Variants in GABRG3 observed in about 807,000 individuals in gnomAD.
GABRG3 encodes the protein gamma-aminobutyric acid type A receptor subunit gamma3, also known as gamma-aminobutyric acid receptor subunit gamma-3.
Under a neutral mutation model 48.8 loss-of-function variants are expected in GABRG3, and 25 were observed. The ratio of observed to expected loss-of-function variants is 0.51; its 90% CI spans 0.37 to 0.72. The LOEUF (loss-of-function observed/expected upper bound fraction) is 0.72. Ranked by LOEUF, GABRG3 falls within the 30% of genes least tolerant of loss-of-function variation. The probability of loss-of-function intolerance (pLI) is 0.00; values close to 1 mark genes in which losing one functional copy is unlikely to be tolerated. For missense variants in GABRG3, 394 were observed against 577.9 expected (o/e 0.68, Z 3.26); for synonymous variants, 227 against 217.6 (o/e 1.04, Z -0.38).
intron 5 of GABRG3, among the ~76,000 whole-genome samples, chr15:27,356,150 AT>A (rs1253946175): frequency 6.6e-6 from 1 of 152,142 alleles, no homozygotes; most frequent in East Asian, 1.9e-4. Context: ...CAGAAAGTGT[AT>A]TCATCATAAT....
intron 3 of GABRG3, among the ~76,000 whole-genome samples, chr15:27,284,925 AC>A (rs1393337318): frequency 1.3e-4 from 20 of 152,194 alleles, no homozygotes; most frequent in Admixed American, 5.2e-4. Flanking sequence ...CAGGAAAGAA[AC>A]TTGTTGAAAG....
chr15:27,286,810 C>G (rs1891628749), intron 3 of GABRG3, among the ~76,000 whole-genome samples: 1 of 152,108 alleles, frequency 6.6e-6, no homozygotes, highest in Admixed American at 6.6e-5. Flanking sequence ...GACCAATTAC[C>G]TATGGCAGGG....
chr15:27,162,979 TTAG>T (rs1887246524), intron 3 of GABRG3, among the ~76,000 whole-genome samples: 1 of 151,940 alleles, frequency 6.6e-6, no homozygotes, highest in Non-Finnish European at 1.5e-5. Context: ...ACCTACAATC[TTAG>T]TAGGTGACCC....
intron 5 of GABRG3, among the ~76,000 whole-genome samples, chr15:27,332,499 A>G (rs973975200): frequency 6.6e-6 from 1 of 152,054 alleles, no homozygotes; most frequent in African/African-American, 2.4e-5. Context: ...ACGCCACTGC[A>G]CTCCAGCCTG....
At chr15:27,112,063 C>T (rs959201312) in intron 3 of GABRG3, among the ~76,000 whole-genome samples, 11 of 151,980 alleles carry the variant, frequency 7.2e-5, no homozygotes, top group Admixed American at 1.3e-4. Context: ...AGTGTAGGAT[C>T]TCCCTTAAGG....
chr15:27,403,918 A>AC (rs1402525116), intron 5 of GABRG3, among the ~76,000 whole-genome samples: 1 of 142,186 alleles, frequency 7.0e-6, no homozygotes, highest in African/African-American at 2.7e-5. Context: ...AAAAAACAAA[A>AC]AAAAAAAAAA....
chr15:27,074,204 A>G (rs112672513), intron 3 of GABRG3, among the ~76,000 whole-genome samples: 31,382 of 152,018 alleles, frequency 0.21, 3,391 homozygotes, highest in Middle Eastern at 0.27. Flanking sequence ...CCCACAACAC[A>G]GGGGAATTAT....
At position 27,410,845 on chromosome 15, in the gene GABRG3, C is replaced by CGTGTGT. The variant is rs61423614; in HGVS notation, c.575-69766_575-69761dup. 8.4e-3 allele frequency among the ~76,000 whole-genome samples: 1,209 copies of CGTGTGT among 143,698 alleles called. 9 individuals are homozygous for CGTGTGT. The highest frequency in any genetic ancestry group is 0.024 in the Middle Eastern group (7 of 286). The allele number at this position is 143,698 out of a possible 152,430, so 94.3% of individuals were successfully genotyped here. A position where few individuals can be genotyped will look rare whatever the true frequency, so the allele number is the denominator to read the frequency against. On this transcript the variant is annotated intron_variant, in intron 5 of 9. Coordinates refer to ENST00000615808, the MANE Select transcript of GABRG3 (RefSeq NM_033223.5). ...GAGAGAGAGCACACGTGCGCACGCT[C>CGTGTGT]GTGTGTGTGTGTGTGTGTGTGTGTG...
At chr15:27,226,456 G>A (rs907199257) in intron 3 of GABRG3, among the ~76,000 whole-genome samples, 11 of 152,168 alleles carry the variant, frequency 7.2e-5, no homozygotes, top group Admixed American at 6.5e-4. Flanking sequence ...CTTCAGAGAC[G>A]ACGTGGCCCA....
At chr15:27,023,770 A>G (rs1266211351) in intron 2 of GABRG3, among the ~76,000 whole-genome samples, 1 of 152,248 alleles carries the variant, frequency 6.6e-6, no homozygotes. Flanking sequence ...TAGCATAGCT[A>G]TTCAATCTGT....
At chr15:27,440,029 G>A (rs962901465) in intron 5 of GABRG3, among the ~76,000 whole-genome samples, 1 of 152,100 alleles carries the variant, frequency 6.6e-6, no homozygotes. Context: ...TGACTGAAGT[G>A]TCTCCCTCTG....
At chr15:27,350,507 G>C (rs1894528527) in intron 5 of GABRG3, 1 of 249,708 alleles carries the variant, frequency 4.0e-6, no homozygotes, top group Non-Finnish European at 8.0e-6. Context: ...TCGCAGTGCA[G>C]TTGCAGGTAG....
chr15:27,512,101 G>A (rs1432627940), intron 6 of GABRG3, among the ~76,000 whole-genome samples: 1 of 152,168 alleles, frequency 6.6e-6, no homozygotes, highest in East Asian at 1.9e-4. Context: ...AAAGTCCCTG[G>A]AGTGAGCTTG....
chr15:27,361,360 C>G (rs575850515), intron 5 of GABRG3, among the ~76,000 whole-genome samples: 2 of 152,308 alleles, frequency 1.3e-5, no homozygotes, highest in East Asian at 3.9e-4. Flanking sequence ...CAGGACCAAG[C>G]CAATGTGGCC....
intron 3 of GABRG3, among the ~76,000 whole-genome samples, chr15:27,146,355 G>A (rs975778174): frequency 1.3e-5 from 2 of 152,152 alleles, no homozygotes; most frequent in African/African-American, 4.8e-5. Context: ...TACTCAGGAG[G>A]CTGAGGCAGG....
chr15:27,359,145 G>A (rs1194451905), intron 5 of GABRG3, among the ~76,000 whole-genome samples: 2 of 152,194 alleles, frequency 1.3e-5, no homozygotes, highest in African/African-American at 4.8e-5. Context: ...CCCGGCCTCA[G>A]GCCCCTGTCA....
intron 3 of GABRG3, among the ~76,000 whole-genome samples, chr15:27,174,867 C>T (rs1887696654): frequency 6.6e-6 from 1 of 152,102 alleles, no homozygotes; most frequent in Admixed American, 6.5e-5. Context: ...CTAAAAGGGA[C>T]TCTGCCCCTC....
intron 5 of GABRG3, chr15:27,418,824 A>G (rs1298153959): frequency 6.6e-6 from 1 of 151,772 alleles, no homozygotes; most frequent in Non-Finnish European, 1.5e-5. Context: ...TTATTGCACT[A>G]TCAATTTATG....
intron 3 of GABRG3, among the ~76,000 whole-genome samples, chr15:27,122,606 G>A (rs1027437727): frequency 6.6e-6 from 1 of 152,162 alleles, no homozygotes. Flanking sequence ...CATGATTTCA[G>A]GGAAACTCCT....
Sources: allele counts gnomAD v4.1 joint callset (sites outside exome capture counted in the v4.1 genomes callset), GRCh38; gene constraint gnomAD v4.1.1; transcripts MANE v1.5; gene names NCBI Gene and HGNC (gene_info 2026-07-23, HGNC 2026-07-21).